MEGF11: variants seen among roughly 807,000 people sequenced by gnomAD.
MEGF11 encodes the protein multiple epidermal growth factor-like domains protein 11.
In MEGF11, 126 loss-of-function variants were observed where a neutral mutation model predicts 146.6. The ratio of observed to expected loss-of-function variants is 0.86; its 90% CI spans 0.74 to 1.00. The LOEUF (loss-of-function observed/expected upper bound fraction) is 1.00. MEGF11 is among the 50% of genes least tolerant of loss of function. The pLI is 0.00. For missense variants in MEGF11, 1,509 were observed against 1,521.2 expected, an observed-to-expected ratio of 0.99 and a Z score of 0.13; for synonymous variants, 532 against 583.4, an observed-to-expected ratio of 0.91 and a Z score of 1.27.
intron 5 of MEGF11, among the ~76,000 whole-genome samples, chr15:66,004,454 C>A (rs1401747937): frequency 2.0e-5 from 3 of 151,892 alleles, no homozygotes; most frequent in Non-Finnish European, 4.4e-5. Flanking sequence ...GAATCTGGGG[C>A]AAATATAGTG....
intron 1 of MEGF11, among the ~76,000 whole-genome samples, chr15:66,147,261 A>C (rs768255087): frequency 6.6e-6 from 1 of 152,000 alleles, no homozygotes; most frequent in African/African-American, 2.4e-5. Context: ...CCCCTCCCCA[A>C]ATGGCACCTT....
intron 1 of MEGF11, among the ~76,000 whole-genome samples, chr15:66,214,655 T>C (rs2091541655): frequency 6.6e-6 from 1 of 152,158 alleles, no homozygotes; most frequent in African/African-American, 2.4e-5. Context: ...CAGAGACACC[T>C]CCTCTCTCCT....
intron 4 of MEGF11, among the ~76,000 whole-genome samples, chr15:66,107,352 G>A (rs1396674254): frequency 2.0e-5 from 3 of 152,212 alleles, no homozygotes; most frequent in South Asian, 4.1e-4. Flanking sequence ...AAGCATTAGA[G>A]GAGATTTGGG....
chr15:66,042,220 A>G lies in MEGF11; in HGVS notation c.394+52182T>C, dbSNP rs983615832. Among the ~76,000 whole-genome samples the G allele has an allele frequency of 3.3e-5, 5 of 150,490 alleles. 1 individual carries two copies. The highest frequency in any genetic ancestry group is 9.8e-5 in the African/African-American group (4 of 40,740). ...TTGCCTCCCAGGTTCAGCGATTTTC[A>G]TGTCTCAGCCTCCCAAGTAGCTGGG... is the stretch of plus-strand genomic sequence containing the variant. On this transcript the variant is annotated intron_variant, in intron 5 of 25. Coordinates refer to ENST00000395614, the MANE Select transcript of MEGF11 (RefSeq NM_001385028.1).
intron 1 of MEGF11, among the ~76,000 whole-genome samples, chr15:66,148,488 G>C (rs1036018979): frequency 6.6e-6 from 1 of 152,162 alleles, no homozygotes; most frequent in Non-Finnish European, 1.5e-5. Context: ...ATGGGGCTGG[G>C]GCAGGAAGAA....
Position 66,211,339 on chromosome 15 carries a change from C to T in MEGF11, c.-9+42266G>A, listed in dbSNP as rs190530785. Among the ~76,000 whole-genome samples the T allele has an allele frequency of 3.0e-3, 458 of 152,046 alleles. 5 individuals are homozygous for T. The highest frequency in any genetic ancestry group is 0.015 in the South Asian group (74 of 4,806). ...GAGATCGAGACCATCTTGGCTAACA[C>T]GGTGAAACCCCGTCTCTACTAAAAA... On this transcript the variant is annotated intron_variant, in intron 1 of 25. Coordinates refer to ENST00000395614, the MANE Select transcript of MEGF11 (RefSeq NM_001385028.1).
At chr15:65,949,577 A>C (rs1434541041) in intron 10 of MEGF11, among the ~76,000 whole-genome samples, 1 of 152,230 alleles carries the variant, frequency 6.6e-6, no homozygotes, top group Admixed American at 6.5e-5. Context: ...GGGAGGGGAC[A>C]CTGGAGCCCC....
At chr15:66,204,230 C>A (rs565777171) in intron 1 of MEGF11, among the ~76,000 whole-genome samples, 1 of 151,974 alleles carries the variant, frequency 6.6e-6, no homozygotes, top group African/African-American at 2.4e-5. Flanking sequence ...GGTGAAACCC[C>A]GTCTCTACAA....
rs1426821184 is a variant in MEGF11, at chr15:66,013,582, T to C, written c.395-31094A>G. Among the ~76,000 whole-genome samples the C allele has an allele frequency of 4.0e-4, 61 of 152,130 alleles. 1 individual carries two copies. Among genetic ancestry groups the C allele is most frequent in the Admixed American group, 4.0e-3 (61 of 15,280 alleles). On this transcript the variant is annotated intron_variant, in intron 5 of 25. Coordinates refer to ENST00000395614, the MANE Select transcript of MEGF11 (RefSeq NM_001385028.1). ...GGAATCTGAGGCTCAGAGAGATCAA[T>C]TAACTTGCCATATCCCCACAGTGAA... is the stretch of plus-strand genomic sequence containing the variant.
intron 3 of MEGF11, 28 bp from the exon 4 acceptor site, chr15:66,119,214 A>G: frequency 1.4e-6 from 2 of 1,450,842 alleles, no homozygotes; most frequent in Non-Finnish European, 9.4e-7. Context: ...AAGCCACTTG[A>G]AAGTATTGAA....
At chr15:66,206,455 A>G (rs112334154) in intron 1 of MEGF11, among the ~76,000 whole-genome samples, 1 of 152,208 alleles carries the variant, frequency 6.6e-6, no homozygotes, top group Non-Finnish European at 1.5e-5. Flanking sequence ...CCCTAACAAG[A>G]TAAACTCAAG....
At chr15:65,986,602 C>T (rs147006139) in intron 5 of MEGF11, among the ~76,000 whole-genome samples, 9 of 152,160 alleles carry the variant, frequency 5.9e-5, no homozygotes, top group African/African-American at 1.7e-4. Context: ...AGAGCTGCAG[C>T]GAGTCAATTA....
intron 5 of MEGF11, among the ~76,000 whole-genome samples, chr15:66,089,608 C>T (rs1178711620): frequency 6.6e-6 from 1 of 152,120 alleles, no homozygotes; most frequent in Non-Finnish European, 1.5e-5. Flanking sequence ...GCTTAAATTT[C>T]CAAGTTAATT....
intron 1 of MEGF11, among the ~76,000 whole-genome samples, chr15:66,199,302 T>C (rs2091090294): frequency 6.6e-6 from 1 of 152,166 alleles, no homozygotes. Flanking sequence ...ATCCAAAAAA[T>C]GTAGATGCCA....
At chr15:66,199,135 A>G (rs552876581) in intron 1 of MEGF11, among the ~76,000 whole-genome samples, 17 of 152,070 alleles carry the variant, frequency 1.1e-4, no homozygotes, top group South Asian at 4.2e-4. Flanking sequence ...CATGCAAGGG[A>G]AAAAAAACAT....
rs376627446 is a variant in MEGF11 at position 66,048,700 on chromosome 15, G to A, written c.394+45702C>T. ...CGCTGGTGGGTGGCAAAAAGGGAGG[G>A]AAAGGCCTGGCCCTCTAAGGGTCCC... On this transcript the variant is annotated intron_variant, in intron 5 of 25. Coordinates refer to ENST00000395614, the MANE Select transcript of MEGF11 (RefSeq NM_001385028.1). Among the ~76,000 whole-genome samples, 5 of 152,374 alleles carry A rather than the reference G, an allele frequency of 3.3e-5. 1 individual carries two copies. In the East Asian group the frequency reaches 7.7e-4, roughly 23 times the overall value.
chr15:65,923,167 C>G (rs578208321), intron 13 of MEGF11, among the ~76,000 whole-genome samples, 198 bp from the exon 14 acceptor site: 80 of 152,208 alleles, frequency 5.3e-4, no homozygotes, highest in Admixed American at 1.2e-3. Context: ...TTCTAAAAGT[C>G]GAGGAGGAAT....
intron 1 of MEGF11, among the ~76,000 whole-genome samples, chr15:66,192,998 T>G (rs897317669): frequency 5.3e-5 from 8 of 152,210 alleles, no homozygotes; most frequent in Non-Finnish European, 1.0e-4. Flanking sequence ...CAATCTTCCC[T>G]AAATTGGGAA....
intron 1 of MEGF11, among the ~76,000 whole-genome samples, chr15:66,166,138 C>T (rs117193278): frequency 0.014 from 2,104 of 152,254 alleles, 32 homozygotes; most frequent in Non-Finnish European, 0.021. Flanking sequence ...TGACATCTTC[C>T]CTGGGACGGC....
Sources: allele counts gnomAD v4.1 joint callset (sites outside exome capture counted in the v4.1 genomes callset), GRCh38; gene constraint gnomAD v4.1.1; transcripts MANE v1.5; gene names NCBI Gene and HGNC (gene_info 2026-07-23, HGNC 2026-07-21).